Variants in HTT observed in about 807,000 individuals in gnomAD.
HTT encodes the protein huntingtin.
In HTT, 104 loss-of-function variants were observed where a neutral mutation model predicts 362.3. That is an observed-to-expected ratio of 0.29 (90% CI 0.24 to 0.34). The LOEUF is 0.34. Among genes scored for constraint, HTT ranks in the 10% least tolerant of loss-of-function variants. The pLI is 1.00. For missense variants in HTT, 3,301 were observed against 3,928.6 expected (o/e 0.84, Z 4.27); for synonymous variants, 1,577 against 1,548.7 (o/e 1.02, Z -0.43).
At chr4:3,173,371 G>C (rs957713794) in intron 31 of HTT, 1 of 538,016 alleles carries the variant, frequency 1.9e-6, no homozygotes, top group South Asian at 2.1e-5. Context: ...TCTCAGAGGT[G>C]GGGGTAGAGG....
chr4:3,095,047 G>A (rs1044478468), intron 2 of HTT, among the ~76,000 whole-genome samples: 31 of 152,026 alleles, frequency 2.0e-4, no homozygotes, highest in Non-Finnish European at 4.3e-4. Flanking sequence ...CCCAGACTGG[G>A]CAGCCAGGCA....
intron 41 of HTT, among the ~76,000 whole-genome samples, chr4:3,201,810 T>C (rs1460720583): frequency 2.0e-5 from 3 of 152,194 alleles, no homozygotes; most frequent in Non-Finnish European, 4.4e-5. Context: ...ATCTTTTTAT[T>C]TCCATGAGAT....
At chr4:3,231,363 C>G (rs1282984611) in intron 60 of HTT, among the ~76,000 whole-genome samples, 1 of 152,090 alleles carries the variant, frequency 6.6e-6, no homozygotes, top group East Asian at 1.9e-4. Flanking sequence ...TCACTCCAGC[C>G]GCTAACATTT....
chr4:3,213,013 T>G (rs1031588202), intron 49 of HTT: 2 of 322,898 alleles, frequency 6.2e-6, no homozygotes, highest in African/African-American at 4.2e-5. Context: ...CTTTATGTCT[T>G]AAGTTGGCCT....
At chr4:3,078,261 A>G (rs1454655483) in intron 1 of HTT, among the ~76,000 whole-genome samples, 2 of 152,234 alleles carry the variant, frequency 1.3e-5, no homozygotes, top group East Asian at 1.9e-4. Flanking sequence ...AACATGTACT[A>G]TGTGCCTGGC....
At chr4:3,192,937 C>A (rs892194790) in intron 40 of HTT, among the ~76,000 whole-genome samples, 3 of 152,234 alleles carry the variant, frequency 2.0e-5, no homozygotes, top group Non-Finnish European at 4.4e-5. Context: ...CACGGAACTT[C>A]CAGTCAGTGC....
At chr4:3,076,949 G>A (rs917580641) in intron 1 of HTT, among the ~76,000 whole-genome samples, 48 of 152,260 alleles carry the variant, frequency 3.2e-4, no homozygotes, top group African/African-American at 1.1e-3. Flanking sequence ...AGGCCTAGGT[G>A]GACGAATCAC....
At chr4:3,230,188 C>T (rs1721184510) in intron 60 of HTT, 146 bp downstream of exon 60, 2 of 646,624 alleles carry the variant, frequency 3.1e-6, no homozygotes, top group South Asian at 3.6e-5. Context: ...ACGTGAGCTG[C>T]AGTGCTTCTC....
At chr4:3,193,208 C>G (rs1038571488) in intron 40 of HTT, among the ~76,000 whole-genome samples, 1 of 152,254 alleles carries the variant, frequency 6.6e-6, no homozygotes, top group Admixed American at 6.5e-5. Flanking sequence ...TGTCACCCTC[C>G]GCACAGGCCA....
At chr4:3,215,495 A>C (rs1720355849) in intron 51 of HTT, among the ~76,000 whole-genome samples, 1 of 151,644 alleles carries the variant, frequency 6.6e-6, no homozygotes, top group Admixed American at 6.6e-5. Flanking sequence ...CACTTCCCAC[A>C]CTCTGCAGTT....
chr4:3,186,469 C>A, intron 37 of HTT, 128 bp from the exon 38 acceptor site: 2 of 1,011,752 alleles, frequency 2.0e-6, no homozygotes, highest in Non-Finnish European at 3.0e-6. Flanking sequence ...ACTTAAAATG[C>A]TTTTAAATGA....
chr4:3,127,807 T>A (rs1578519890), intron 12 of HTT, among the ~76,000 whole-genome samples: 1 of 151,350 alleles, frequency 6.6e-6, no homozygotes, highest in Admixed American at 6.6e-5. Flanking sequence ...CTACTAAAAA[T>A]ACAAAAATTA....
chr4:3,206,544 C>G lies in HTT; in HGVS notation c.5767C>G (p.His1923Asp). 1 of 1,614,078 alleles carries G rather than the reference C, an allele frequency of 6.2e-7. No individual in the cohort carries two copies. Among genetic ancestry groups the G allele is most frequent in the Non-Finnish European group, 8.5e-7 (1 of 1,179,986 alleles). Residue 1923 changes from histidine to aspartate, a missense_variant, in exon 43 of 67, where the codon CAC (histidine) becomes GAC (aspartate). Physicochemically the swap from His to Asp is moderately conservative, Grantham distance 81 (BLOSUM62 -1). Coordinates refer to ENST00000355072, the MANE Select transcript of HTT (RefSeq NM_001388492.1). This position sits in a 1 kb window ranked among gnomAD's most constrained non-coding sequence, Gnocchi z 4.6. ...SEHLTWLIVN[H>D]IQDLISLSHE... ...GCACTTAACGTGGCTCATTGTAAAT[C>G]ACATTCAAGATCTGATCAGCCTTTC...
chr4:3,095,632 G>A (rs1451139606), intron 2 of HTT, among the ~76,000 whole-genome samples: 1 of 152,190 alleles, frequency 6.6e-6, no homozygotes, highest in East Asian at 1.9e-4. Context: ...TTTCTTTTAA[G>A]CCACATAGTT....
chr4:3,089,889 A>G (rs1271522318), intron 2 of HTT, among the ~76,000 whole-genome samples: 1 of 152,196 alleles, frequency 6.6e-6, no homozygotes, highest in Non-Finnish European at 1.5e-5. Flanking sequence ...TCTTGTTTTT[A>G]TGGAGTAATG....
At chr4:3,159,749 G>T (rs769813424) in intron 28 of HTT, among the ~76,000 whole-genome samples, 15 of 152,076 alleles carry the variant, frequency 9.9e-5, no homozygotes, top group Admixed American at 2.0e-4. Flanking sequence ...GCATGTCTTT[G>T]GTCCTGACCC....
chr4:3,172,943 C>G lies in HTT; in HGVS notation c.3978C>G (p.Ser1326=), dbSNP rs774233125. Residue 1326 remains serine (S), a synonymous_variant, in exon 31 of 67, where the codon TCC becomes TCG. Transcript: ENST00000355072. ...LKTLFGTNLA[S]QFDGLSSNPS... ...CTCTCTTTGGCACAAACTTGGCCTC[C>G]CAGTTTGATGGCTTATCTTCCAACC... 1.2e-6 allele frequency: 2 copies of G among 1,614,048 alleles called. No homozygotes were observed. Among genetic ancestry groups the G allele is most frequent in the African/African-American group, 1.3e-5 (1 of 74,918 alleles).
At chr4:3,169,354 G>T (rs1329199928) in intron 29 of HTT, among the ~76,000 whole-genome samples, 1 of 151,974 alleles carries the variant, frequency 6.6e-6, no homozygotes, top group Non-Finnish European at 1.5e-5. Context: ...TTTCTGCCCT[G>T]CCTCCCTCCT....
Position 3,131,754 on chromosome 4 carries a change from C to G in HTT, c.2215C>G (p.Leu739Val), listed in dbSNP as rs747319957. Residue 739 changes from leucine (L) to valine (V), a missense_variant, in exon 16 of 67, where the codon CTT becomes GTT. Physicochemically the swap from Leu to Val is conservative, Grantham distance 32. Coordinates refer to ENST00000355072, the MANE Select transcript of HTT (RefSeq NM_001388492.1). ...CTTCAGCAAACTCTATAAAGTTCCT[C>G]TTGACACCACGGAATACCCTGGTAT... is the stretch of plus-strand genomic sequence containing the variant. The part of the protein sequence containing the change: ...SFFSKLYKVP[L>V]DTTEYPEEQY... 6.2e-6 allele frequency: 10 copies of G among 1,614,024 alleles called. No homozygotes were observed. The South Asian group carries it at 1.1e-4, about 18-fold the overall frequency.
Sources: gnomAD v4.1 joint callset for allele counts (sites outside exome capture counted in the v4.1 genomes callset) on GRCh38, gnomAD v4.1.1 for gene constraint, Gnocchi (gnomAD v3.1) non-coding constraint, MANE v1.5 for transcripts, NCBI Gene and HGNC (gene_info 2026-07-23, HGNC 2026-07-21) for gene names.